The following NYAP2 variants were observed in gnomAD, a reference collection of about 807,000 sequenced individuals.
NYAP2 encodes neuronal tyrosine-phosphorylated phosphoinositide-3-kinase adaptor 2.
A neutral mutation model predicts 50.4 loss-of-function variants in NYAP2; 23 were observed. The ratio of observed to expected loss-of-function variants is 0.46; its 90% CI spans 0.33 to 0.65. The LOEUF (loss-of-function observed/expected upper bound fraction) is 0.65, where lower values mean the gene tolerates loss of function less well. Among genes scored for constraint, NYAP2 ranks in the 30% least tolerant of loss-of-function variants. The probability of loss-of-function intolerance (pLI) is 0.02; values close to 1 mark genes in which losing one functional copy is unlikely to be tolerated. For synonymous variants in NYAP2, 394 were observed against 365.2 expected (o/e 1.08, Z -0.90); for missense variants, 885 against 861.0 (o/e 1.03, Z -0.35).
chr2:225,572,629 G>A (rs1045184789), intron 4 of NYAP2, among the ~76,000 whole-genome samples: 7 of 152,226 alleles, frequency 4.6e-5, no homozygotes, highest in Admixed American at 4.6e-4. Context: ...TGAGATTTGT[G>A]TGGGGACACA....
intron 3 of NYAP2, among the ~76,000 whole-genome samples, chr2:225,414,560 T>G (rs1473712728): frequency 6.6e-6 from 1 of 152,046 alleles, no homozygotes; most frequent in Non-Finnish European, 1.5e-5. Context: ...AGGATAGTCG[T>G]GTATTGAACC....
At chr2:225,622,736 C>A (rs188546918) in intron 5 of NYAP2, among the ~76,000 whole-genome samples, 139 of 151,836 alleles carry the variant, frequency 9.2e-4, no homozygotes, top group African/African-American at 3.3e-3. Flanking sequence ...CCTGCCACTA[C>A]GCCCGACTAA....
the NYAP2 span, among the ~76,000 whole-genome samples, chr2:225,661,118 A>G: frequency 1.3e-5 from 2 of 152,340 alleles, no homozygotes; most frequent in Non-Finnish European, 2.9e-5. Context: ...TTTGTTTTCC[A>G]TTAACATGTT....
intron 5 of NYAP2, among the ~76,000 whole-genome samples, chr2:225,583,572 A>G (rs1692338301): frequency 6.6e-6 from 1 of 152,174 alleles, no homozygotes; most frequent in Non-Finnish European, 1.5e-5. Context: ...TGTTTAAAAA[A>G]AAGTACAAAA....
At chr2:225,516,644 A>G (rs1690940145) in intron 4 of NYAP2, among the ~76,000 whole-genome samples, 1 of 152,176 alleles carries the variant, frequency 6.6e-6, no homozygotes. Context: ...GCATAAAGAC[A>G]GGGCTCAATT....
chr2:225,590,882 A>G (rs1395779915), intron 5 of NYAP2, among the ~76,000 whole-genome samples: 2 of 152,208 alleles, frequency 1.3e-5, no homozygotes, highest in Non-Finnish European at 2.9e-5. Context: ...AATCGCATCT[A>G]TCCTTGTCTT....
chr2:225,538,590 G>A (rs943812655), intron 4 of NYAP2, among the ~76,000 whole-genome samples: 1 of 152,108 alleles, frequency 6.6e-6, no homozygotes, highest in African/African-American at 2.4e-5. Context: ...ACAAAACCAC[G>A]TTTTCCTCCT....
intron 4 of NYAP2, among the ~76,000 whole-genome samples, chr2:225,515,219 A>G (rs1032390174): frequency 6.6e-6 from 1 of 152,252 alleles, no homozygotes; most frequent in Admixed American, 6.5e-5. Context: ...ATGTAAGTAT[A>G]TGTGGTTAAG....
chr2:225,535,712 A>G (rs1691336671), intron 4 of NYAP2, among the ~76,000 whole-genome samples: 1 of 152,302 alleles, frequency 6.6e-6, no homozygotes, highest in Non-Finnish European at 1.5e-5. Flanking sequence ...AGAATCAAGG[A>G]GGCCAGTCAG....
intron 3 of NYAP2, among the ~76,000 whole-genome samples, chr2:225,420,905 ATTC>A (rs1470619328): frequency 6.6e-6 from 1 of 151,842 alleles, no homozygotes; most frequent in Non-Finnish European, 1.5e-5. Context: ...TTCTACAGGG[ATTC>A]TTATTTTATT....
intron 5 of NYAP2, among the ~76,000 whole-genome samples, chr2:225,592,640 T>C (rs1692528259): frequency 1.3e-5 from 2 of 152,326 alleles, no homozygotes; most frequent in South Asian, 4.1e-4. Flanking sequence ...GACTCCTTGG[T>C]TAATTGGGAC....
intron 5 of NYAP2, among the ~76,000 whole-genome samples, chr2:225,607,703 C>A (rs2106245539): frequency 6.6e-6 from 1 of 152,090 alleles, no homozygotes; most frequent in South Asian, 2.1e-4. Flanking sequence ...AGTTGTTTAT[C>A]AAAAGAACCA....
chr2:225,444,044 G>A lies in NYAP2; in HGVS notation c.221+34943G>A, dbSNP rs143585594. 5.4e-3 allele frequency among the ~76,000 whole-genome samples: 823 copies of A among 152,284 alleles called. 7 individuals are homozygous for A. Among genetic ancestry groups the A allele is most frequent in the African/African-American group, 0.019 (770 of 41,550 alleles). ...ATCTCAATGGGCATTTCCATATGGTGTGAGTTAAATTCATAATGACAATCA... is the reference window on the plus strand; with the variant it reads ...ATCTCAATGGGCATTTCCATATGGTATGAGTTAAATTCATAATGACAATCA... On this transcript the variant is annotated intron_variant, in intron 3 of 6. Transcript: ENST00000636099.
chr2:225,640,008 G>A (rs933622920), intron 6 of NYAP2, among the ~76,000 whole-genome samples: 6 of 152,160 alleles, frequency 3.9e-5, no homozygotes, highest in Admixed American at 2.0e-4. Context: ...GGGTGAGGGT[G>A]AGCCAGCCAC....
At chr2:225,673,047 T>A in the NYAP2 span, among the ~76,000 whole-genome samples, 1 of 151,134 alleles carries the variant, frequency 6.6e-6, no homozygotes, top group African/African-American at 2.4e-5. Flanking sequence ...GACTTACAGT[T>A]CCGCATGGCT....
intron 4 of NYAP2, among the ~76,000 whole-genome samples, chr2:225,563,632 G>A (rs1226985441): frequency 6.6e-6 from 1 of 152,138 alleles, no homozygotes; most frequent in Non-Finnish European, 1.5e-5. Context: ...GATCTTCATA[G>A]TGATCACAAA....
At chr2:225,481,883 GC>G (rs896824513) in intron 3 of NYAP2, among the ~76,000 whole-genome samples, 8 of 151,852 alleles carry the variant, frequency 5.3e-5, no homozygotes, top group African/African-American at 1.7e-4. Context: ...CAAACCCAAG[GC>G]CCCTGCAGTT....
At chr2:225,483,408 C>G (rs1356119226) in intron 3 of NYAP2, among the ~76,000 whole-genome samples, 1 of 151,972 alleles carries the variant, frequency 6.6e-6, no homozygotes, top group Non-Finnish European at 1.5e-5. Flanking sequence ...ATCCAAAATC[C>G]CTGCCCTGGT....
intron 4 of NYAP2, among the ~76,000 whole-genome samples, chr2:225,554,321 CTTTTTTT>C (rs751259949): frequency 7.6e-6 from 1 of 131,640 alleles, no homozygotes. Context: ...AAACATTTAT[CTTTTTTT>C]TTTTTTTTTT....
Sources: gnomAD v4.1 joint callset for allele counts (sites outside exome capture counted in the v4.1 genomes callset) on GRCh38, gnomAD v4.1.1 for gene constraint, MANE v1.5 for transcripts, NCBI Gene and HGNC (gene_info 2026-07-23, HGNC 2026-07-21) for gene names.